Variants in XRCC4 observed in about 807,000 individuals in gnomAD.
XRCC4 encodes the protein DNA repair protein XRCC4.
Under a neutral mutation model 39.1 loss-of-function variants are expected in XRCC4, and 28 were observed. The observed-to-expected ratio is 0.72, with a 90% confidence interval of 0.53 to 0.98. The LOEUF is 0.98. Among genes scored for constraint, XRCC4 ranks in the 50% least tolerant of loss-of-function variants. The probability of loss-of-function intolerance (pLI) is 0.00; values close to 1 mark genes in which losing one functional copy is unlikely to be tolerated. For missense variants in XRCC4, 350 were observed against 376.4 expected (o/e 0.93, Z 0.58); for synonymous variants, 123 against 126.4 (o/e 0.97, Z 0.18).
chr5:83,226,979 A>AT (rs1469108534), intron 6 of XRCC4, among the ~76,000 whole-genome samples: 1 of 152,034 alleles, frequency 6.6e-6, no homozygotes, highest in Non-Finnish European at 1.5e-5. Context: ...TTACATGTAT[A>AT]TTAGACTTTT....
At chr5:83,343,417 T>A (rs1257782325) in intron 7 of XRCC4, among the ~76,000 whole-genome samples, 1 of 152,200 alleles carries the variant, frequency 6.6e-6, no homozygotes, top group Non-Finnish European at 1.5e-5. Context: ...GTTCTTCTTG[T>A]CTGTAATAAA....
intron 6 of XRCC4, among the ~76,000 whole-genome samples, chr5:83,218,743 CA>C: frequency 6.6e-6 from 1 of 152,014 alleles, no homozygotes; most frequent in East Asian, 1.9e-4. Flanking sequence ...ATGACAGAAA[CA>C]ATACACAAAT....
At chr5:83,183,123 A>G (rs906488313) in intron 3 of XRCC4, among the ~76,000 whole-genome samples, 1 of 152,150 alleles carries the variant, frequency 6.6e-6, no homozygotes, top group Non-Finnish European at 1.5e-5. Context: ...ATCCAGCACC[A>G]TTCTAATTCA....
chr5:83,153,143 G>A (rs1197742117), intron 3 of XRCC4, among the ~76,000 whole-genome samples: 1 of 151,844 alleles, frequency 6.6e-6, no homozygotes, highest in Non-Finnish European at 1.5e-5. Context: ...TTTAGGACTG[G>A]CTTTTTTTCA....
intron 3 of XRCC4, among the ~76,000 whole-genome samples, chr5:83,128,312 T>C (rs1298054845): frequency 6.6e-6 from 1 of 152,172 alleles, no homozygotes; most frequent in Non-Finnish European, 1.5e-5. Flanking sequence ...CTCATCCTTT[T>C]TAATGGCTAC....
downstream of XRCC4, among the ~76,000 whole-genome samples, chr5:83,355,541 G>A (rs1757180626): frequency 6.6e-6 from 1 of 152,162 alleles, no homozygotes; most frequent in South Asian, 2.1e-4. Flanking sequence ...TTGAAATTTA[G>A]CTGGATGACT....
rs28360300 is a variant in XRCC4, at chr5:83,311,976, C to T, written c.894-41155C>T. ...GAACGCAAGAAGCCATGCTCTAATA[C>T]AGTCACCAGGAAGCTCCTCTGCATG... On this transcript the variant is annotated intron_variant, in intron 7 of 7. Coordinates refer to ENST00000396027, the MANE Select transcript of XRCC4 (RefSeq NM_003401.5). 2.9e-3 allele frequency among the ~76,000 whole-genome samples: 442 copies of T among 152,218 alleles called. 12 individuals carry two copies. In the East Asian group the frequency reaches 0.072, roughly 25 times the overall value.
intron 3 of XRCC4, among the ~76,000 whole-genome samples, chr5:83,132,004 T>C (rs925478180): frequency 1.1e-4 from 17 of 152,188 alleles, no homozygotes; most frequent in Non-Finnish European, 2.2e-4. Context: ...GGCATGTTTT[T>C]GCAGTGGCTC....
intron 7 of XRCC4, among the ~76,000 whole-genome samples, chr5:83,275,183 T>C (rs892014300): frequency 6.6e-6 from 1 of 152,152 alleles, no homozygotes; most frequent in Non-Finnish European, 1.5e-5. Context: ...AGGATTCCTA[T>C]ATTTTAGCTT....
chr5:83,332,226 T>TAC (rs67822741), intron 7 of XRCC4, among the ~76,000 whole-genome samples: 15,885 of 141,828 alleles, frequency 0.11, 877 homozygotes, highest in South Asian at 0.13. Context: ...TTCAATCTTC[T>TAC]ACACACACAC....
rs561257771 is a variant in XRCC4, at chr5:83,217,157, C to G, written c.745+12236C>G. Among the ~76,000 whole-genome samples, 5 of 151,982 alleles carry G rather than the reference C, an allele frequency of 3.3e-5. No homozygotes were observed. The East Asian group carries it at 9.7e-4, about 29-fold the overall frequency. On this transcript the variant is annotated intron_variant, in intron 6 of 7. Transcript: ENST00000396027. ...TCACCTGAGGCCAGGAGTTCAAGAC[C>G]AGCCTGGCCAACATGGTGAAACCCC...
intron 3 of XRCC4, among the ~76,000 whole-genome samples, chr5:83,188,137 A>T (rs923410968): frequency 6.6e-6 from 1 of 152,204 alleles, no homozygotes; most frequent in Non-Finnish European, 1.5e-5. Context: ...GTGGGTGAGG[A>T]GTCCAGGTAT....
chr5:83,163,720 A>G (rs1021036433), intron 3 of XRCC4, among the ~76,000 whole-genome samples: 1 of 152,204 alleles, frequency 6.6e-6, no homozygotes, highest in Non-Finnish European at 1.5e-5. Context: ...CGGGTTGTCT[A>G]TTCATCCACA....
intron 4 of XRCC4, among the ~76,000 whole-genome samples, chr5:83,196,309 T>G (rs1258453818): frequency 1.3e-5 from 2 of 152,060 alleles, no homozygotes; most frequent in Non-Finnish European, 2.9e-5. Flanking sequence ...CATAATTGAT[T>G]TCTCATTTGG....
intron 3 of XRCC4, among the ~76,000 whole-genome samples, chr5:83,121,903 A>G (rs1747028954): frequency 2.2e-5 from 1 of 45,758 alleles, no homozygotes; most frequent in African/African-American, 1.4e-4. Context: ...CATTTTTTAT[A>G]TGAATATTTA....
chr5:83,125,551 G>T (rs1269595590), intron 3 of XRCC4, among the ~76,000 whole-genome samples: 2 of 152,224 alleles, frequency 1.3e-5, no homozygotes, highest in South Asian at 2.1e-4. Context: ...CCATTAAATT[G>T]CTTTTGCATC....
chr5:83,210,155 C>T (rs774147493), intron 6 of XRCC4, among the ~76,000 whole-genome samples: 2 of 152,110 alleles, frequency 1.3e-5, no homozygotes, highest in Non-Finnish European at 2.9e-5. Context: ...TTGCTTCAAA[C>T]AGTGAATGTC....
chr5:83,294,980 T>C (rs1755044318), intron 7 of XRCC4, among the ~76,000 whole-genome samples: 1 of 151,970 alleles, frequency 6.6e-6, no homozygotes, highest in Admixed American at 6.6e-5. Flanking sequence ...TTCCCTGGAG[T>C]TCTGGAGCAT....
chr5:83,096,185 G>C (rs1418066209), intron 1 of XRCC4, among the ~76,000 whole-genome samples: 1 of 152,100 alleles, frequency 6.6e-6, no homozygotes, highest in Non-Finnish European at 1.5e-5. Context: ...CCGGACAGAA[G>C]TGCTGTAGCC....
Sources: allele counts gnomAD v4.1 joint callset (sites outside exome capture counted in the v4.1 genomes callset), GRCh38; gene constraint gnomAD v4.1.1; transcripts MANE v1.5; gene names NCBI Gene and HGNC (gene_info 2026-07-23, HGNC 2026-07-21).